Variants in CP observed in about 807,000 individuals in gnomAD.
CP encodes ceruloplasmin, also known as caeruloplasmin.
Under a neutral mutation model 122.4 loss-of-function variants are expected in CP, and 64 were observed. The observed-to-expected ratio is 0.52, with a 90% CI of 0.43 to 0.64. The LOEUF (loss-of-function observed/expected upper bound fraction) is 0.64. Among genes scored for constraint, CP ranks in the 30% least tolerant of loss-of-function variants. CP has a pLI of 0.00. For synonymous variants in CP, 440 were observed against 436.4 expected, an observed-to-expected ratio of 1.01 and a Z score of -0.10; for missense variants, 1,167 against 1,284.4, an observed-to-expected ratio of 0.91 and a Z score of 1.40.
intron 2 of CP, among the ~76,000 whole-genome samples, chr3:149,210,684 T>C (rs1018348736): frequency 6.6e-6 from 1 of 152,174 alleles, no homozygotes; most frequent in East Asian, 1.9e-4. Context: ...GGCTACCCTC[T>C]TCTAAATTCA....
intron 18 of CP, among the ~76,000 whole-genome samples, chr3:149,175,594 G>A (rs1332637947): frequency 6.6e-6 from 1 of 151,716 alleles, no homozygotes; most frequent in Non-Finnish European, 1.5e-5. Context: ...GAAAGACCCA[G>A]GAAAGACCAA....
intron 13 of CP, among the ~76,000 whole-genome samples, chr3:149,183,087 G>A (rs1725891781): frequency 6.6e-6 from 1 of 152,030 alleles, no homozygotes; most frequent in South Asian, 2.1e-4. Context: ...GGAGCGGCAG[G>A]TTGCAGTGAG....
chr3:149,198,966 A>G (rs775913847), intron 8 of CP, among the ~76,000 whole-genome samples: 26 of 152,384 alleles, frequency 1.7e-4, no homozygotes, highest in Admixed American at 3.3e-4. Flanking sequence ...ATTGAATAAA[A>G]TGGAACTGAA....
chr3:149,187,751 G>A (rs928926967), intron 10 of CP, among the ~76,000 whole-genome samples: 3 of 152,200 alleles, frequency 2.0e-5, no homozygotes, highest in African/African-American at 2.4e-5. Flanking sequence ...TTCGGACTTT[G>A]TAGGTCAGGG....
intron 10 of CP, 70 bp downstream of exon 10, chr3:149,187,982 G>T: frequency 6.6e-7 from 1 of 1,505,732 alleles, no homozygotes; most frequent in Non-Finnish European, 9.2e-7. Flanking sequence ...TTCACATTTT[G>T]TTTAGTTAAA....
chr3:149,166,716 C>A (rs1335943075), intron 4 of CP, among the ~76,000 whole-genome samples: 1 of 152,100 alleles, frequency 6.6e-6, no homozygotes, highest in East Asian at 1.9e-4. Flanking sequence ...TCTTTAACCA[C>A]AATGTTGATT....
chr3:149,179,182 G>A (rs1029491727), intron 15 of CP, among the ~76,000 whole-genome samples: 5 of 151,990 alleles, frequency 3.3e-5, no homozygotes, highest in South Asian at 4.2e-4. Context: ...TTTGCCTCAC[G>A]TATTACAACG....
chr3:149,204,021 A>C (rs144136683), intron 6 of CP, among the ~76,000 whole-genome samples: 1 of 152,344 alleles, frequency 6.6e-6, no homozygotes, highest in East Asian at 1.9e-4. Context: ...GGGCAGGTGT[A>C]TACAAAGAGG....
At position 149,173,772 on chromosome 3, in the gene CP, T is replaced by C. The variant is rs772514107; in HGVS notation, c.3182-42A>G. On this transcript the variant is annotated intron_variant, in intron 18 of 18. Transcript: ENST00000264613. ...TTTAAGACCATTATTAAAAATAATATATGGTTAGAAATTAGTAGATGGTTC... is the reference window on the plus strand; with the variant it reads ...TTTAAGACCATTATTAAAAATAATACATGGTTAGAAATTAGTAGATGGTTC... The C allele has an allele frequency of 1.9e-5, 20 of 1,053,912 alleles. No individual in the cohort carries two copies. The South Asian group carries it at 2.2e-4, about 11-fold the overall frequency. The allele number at this position is 1,053,912 out of a possible 1,614,324, so 65.3% of individuals were successfully genotyped here. A position where few individuals can be genotyped will look rare whatever the true frequency, so the allele number is the denominator to read the frequency against.
At chr3:149,196,839 C>T (rs1460820890) in intron 9 of CP, among the ~76,000 whole-genome samples, 3 of 152,216 alleles carry the variant, frequency 2.0e-5, no homozygotes, top group Non-Finnish European at 4.4e-5. Context: ...GCCAAGCCAT[C>T]GCATCCCCTG....
downstream of CP, among the ~76,000 whole-genome samples, chr3:149,169,716 A>G (rs1724790283): frequency 6.6e-6 from 1 of 152,238 alleles, no homozygotes; most frequent in Non-Finnish European, 1.5e-5. Context: ...ATGCAGAACC[A>G]TTAAAATGGG....
At chr3:149,221,296 C>G (rs1311142006) in intron 1 of CP, among the ~76,000 whole-genome samples, 1 of 152,108 alleles carries the variant, frequency 6.6e-6, no homozygotes, top group Non-Finnish European at 1.5e-5. Context: ...TCATGAATAA[C>G]CATTAAATGG....
intron 9 of CP, among the ~76,000 whole-genome samples, chr3:149,189,814 T>TC (rs1457773062): frequency 2.0e-5 from 3 of 152,224 alleles, no homozygotes; most frequent in African/African-American, 7.2e-5. Flanking sequence ...TGTTTTCTGA[T>TC]CATAATGCAA....
At position 149,210,242 on chromosome 3, in the gene CP, T is replaced by A. The variant is rs1728018769; in HGVS notation, c.532A>T (p.Ile178Phe). Residue 178 changes from isoleucine to phenylalanine, a missense_variant, in exon 3 of 19, where the codon ATT (isoleucine) becomes TTT (phenylalanine). By Grantham distance (21) the Ile-to-Phe change is conservative. Coordinates refer to ENST00000264613, the MANE Select transcript of CP (RefSeq NM_000096.4). ...GEGDGNCVTR[I>F]YHSHIDAPKD... The stretch of plus-strand genomic sequence containing the variant: ...GGAGCATCAATGTGGGAATGGTAAA[T>A]CCTAGTCACACAATTGCCATCTCCT... 6.2e-7 allele frequency: 1 copy of A among 1,613,950 alleles called. No individual in the cohort carries two copies. Among genetic ancestry groups the A allele is most frequent in the African/African-American group, 1.3e-5 (1 of 74,920 alleles).
chr3:149,181,093 C>CT (rs1725743262), intron 14 of CP, among the ~76,000 whole-genome samples: 1 of 152,134 alleles, frequency 6.6e-6, no homozygotes, highest in African/African-American at 2.4e-5. Flanking sequence ...CCCTTAGGGT[C>CT]ACTTAACCAC....
At position 149,202,157 on chromosome 3, in the gene CP, G is replaced by A. The variant is rs758930665; in HGVS notation, c.1293C>T (p.Ala431=). ...CTCTCTCCTTTCGATTTGTGAAGGA[G>A]GCATCTGTGTACTCACGATAAACCA... is the stretch of plus-strand genomic sequence containing the variant. ...KKLVYREYTD[A]SFTNRKERGP... is the part of the protein sequence containing the mutation. Residue 431 remains alanine, a synonymous_variant, in exon 7 of 19, where the codon GCC becomes GCT. Transcript: ENST00000264613. 2.5e-6 allele frequency: 4 copies of A among 1,614,098 alleles called. No homozygotes were observed. Among genetic ancestry groups the A allele is most frequent in the South Asian group, 1.1e-5 (1 of 91,082 alleles).
At chr3:149,202,022 C>T in intron 7 of CP, 80 bp downstream of exon 7, 2 of 1,570,526 alleles carry the variant, frequency 1.3e-6, no homozygotes, top group Non-Finnish European at 1.8e-6. Context: ...TGCAGTAGGT[C>T]CTGAAGTTAC....
In CP at chr3:149,179,645, C is replaced by T. The variant is rs566097592; in HGVS notation, c.2572G>A (p.Val858Ile). 84 of 1,603,876 alleles carry T rather than the reference C, an allele frequency of 5.2e-5. 1 individual carries two copies. The South Asian group carries it at 5.8e-4, about 11-fold the overall frequency. Residue 858 changes from valine to isoleucine, a missense_variant, in exon 15 of 19, where the codon GTA becomes ATA. This residue lies in a region of CP where 525 missense variants were observed against 657.2 expected (regional missense o/e 0.80). Transcript: ENST00000264613. ...PTLPGETLTY[V>I]WKIPERSGAG... Reference sequence around the variant, plus strand: ...CCAGATCTTTCTGGGATTTTCCATACGTAAGTGAGAGTTTCACCTAAATTC... The same window carrying T: ...CCAGATCTTTCTGGGATTTTCCATATGTAAGTGAGAGTTTCACCTAAATTC...
In CP at chr3:149,212,697, C is replaced by T. The variant is rs753577522; in HGVS notation, c.148G>A (p.Glu50Lys). 2.5e-6 allele frequency: 4 copies of T among 1,613,214 alleles called. No homozygotes were observed. Among genetic ancestry groups the T allele is most frequent in the Non-Finnish European group, 3.4e-6 (4 of 1,179,818 alleles). ...GEKKLISVDT[E>K]HSNIYLQNGP... ...TTTTGAAGATAGATATTGGAATGTT[C>T]CCTGCAAAGAAAAACAAGACAACTC... Residue 50 changes from glutamate (E) to lysine (K), a missense_variant and splice_region_variant, in exon 2 of 19, where the codon GAA becomes AAA. Around this residue, in one of 2 missense-constraint regions of CP, gnomAD observed 642 missense variants for 627.3 expected, o/e 1.02. Transcript: ENST00000264613.
Sources: gnomAD v4.1 joint callset for allele counts (sites outside exome capture counted in the v4.1 genomes callset) on GRCh38, gnomAD v4.1.1 for gene constraint, gnomAD v4.1.1 regional missense constraint, MANE v1.5 for transcripts, NCBI Gene and HGNC (gene_info 2026-07-23, HGNC 2026-07-21) for gene names.